KYAT1: variants seen among roughly 807,000 people sequenced by gnomAD.
The protein encoded by KYAT1 is kynurenine aminotransferase 1.
Under a neutral mutation model 52.4 loss-of-function variants are expected in KYAT1, and 47 were observed. That is an observed-to-expected ratio of 0.90 (90% CI 0.71 to 1.14). KYAT1 has a LOEUF of 1.14. Ranked by LOEUF, KYAT1 falls within the 50% of genes most tolerant of loss-of-function variation. The pLI is 0.00. For missense variants in KYAT1, 480 were observed against 557.9 expected, an observed-to-expected ratio of 0.86 and a Z score of 1.41; for synonymous variants, 212 against 209.6, an observed-to-expected ratio of 1.01 and a Z score of -0.10.
chr9:128,856,924 C>G (rs536415130), intron 1 of KYAT1, among the ~76,000 whole-genome samples: 2 of 152,190 alleles, frequency 1.3e-5, no homozygotes, highest in African/African-American at 4.8e-5. Flanking sequence ...AGGAAAGCCT[C>G]TTGAAGTTGA....
chr9:128,880,167 C>T (rs1588174541), intron 1 of KYAT1, among the ~76,000 whole-genome samples: 1 of 152,300 alleles, frequency 6.6e-6, no homozygotes, highest in East Asian at 1.9e-4. Context: ...GACATGGAGG[C>T]CCACGGAGTA....
rs143723417 is a variant in KYAT1 at position 128,867,400 on chromosome 9, T to A, written c.-7+14497A>T. ...GACTACATTGCCCAGGCTGGTCTTG[T>A]ACTGCTGGGCTCAAGCAGTTCTCCT... On this transcript the variant is annotated intron_variant, in intron 1 of 12. Transcript: ENST00000302586. Among the ~76,000 whole-genome samples the A allele has an allele frequency of 7.9e-4, 120 of 152,174 alleles. 1 individual carries two copies. In the East Asian group the frequency reaches 0.021, roughly 27 times the overall value.
intron 1 of KYAT1, among the ~76,000 whole-genome samples, chr9:128,860,687 T>TA (rs984013293): frequency 4.0e-5 from 6 of 151,742 alleles, no homozygotes; most frequent in African/African-American, 1.5e-4. Flanking sequence ...TGCCTCAGCC[T>TA]AAGTAACTGG....
intron 1 of KYAT1, among the ~76,000 whole-genome samples, chr9:128,880,821 A>G (rs1838745857): frequency 6.6e-6 from 1 of 152,138 alleles, no homozygotes; most frequent in African/African-American, 2.4e-5. Flanking sequence ...AAGACCTCCC[A>G]ACAGAAGTGA....
At chr9:128,834,591 A>C (rs1226212281) in intron 11 of KYAT1, among the ~76,000 whole-genome samples, 1 of 151,930 alleles carries the variant, frequency 6.6e-6, no homozygotes, top group Non-Finnish European at 1.5e-5. Context: ...TGGGAGGCCA[A>C]GGGGAGTGGA....
chr9:128,871,390 AT>A (rs907695903), intron 1 of KYAT1, among the ~76,000 whole-genome samples: 13 of 151,942 alleles, frequency 8.6e-5, no homozygotes, highest in Non-Finnish European at 1.3e-4. Context: ...CTCTATTTGC[AT>A]TTTTTTTAAT....
intron 3 of KYAT1, 40 bp from the exon 4 acceptor site, chr9:128,838,407 G>A: frequency 1.2e-6 from 2 of 1,612,884 alleles, no homozygotes; most frequent in South Asian, 1.1e-5. Flanking sequence ...GCTCAGCCTG[G>A]GCCCATCCTC....
intron 3 of KYAT1, chr9:128,842,105 C>T (rs1463363883): frequency 5.6e-6 from 2 of 356,830 alleles, no homozygotes; most frequent in Admixed American, 2.8e-5. Flanking sequence ...GGTGGGAGGA[C>T]CACTTGAGAC....
Position 128,837,695 on chromosome 9 carries a change from G to T in KYAT1, c.557C>A (p.Pro186His). ...KALVLNTPNN[P>H]LGKVFSREEL... ...AGGTCCCTCCAGTACCTTGCCCAGG[G>T]GGTTGTTGGGGGTGTTGAGGACCAG... is the stretch of plus-strand genomic sequence containing the variant. Residue 186 changes from proline (P) to histidine (H), a missense_variant, in exon 6 of 13, where the codon CCC (proline) becomes CAC (histidine). Pro to His is a moderately conservative substitution (Grantham distance 77, BLOSUM62 -2). Transcript: ENST00000302586. 1.2e-6 allele frequency: 2 copies of T among 1,614,136 alleles called. No homozygotes were observed. The highest frequency in any genetic ancestry group is 1.7e-6 in the Non-Finnish European group (2 of 1,180,020).
intron 1 of KYAT1, among the ~76,000 whole-genome samples, chr9:128,870,277 C>T (rs1383490721): frequency 1.3e-5 from 2 of 152,008 alleles, no homozygotes; most frequent in African/African-American, 4.8e-5. Flanking sequence ...ATATCTGTAC[C>T]ATGGAATATT....
intron 1 of KYAT1, among the ~76,000 whole-genome samples, chr9:128,868,945 C>T (rs1836825211): frequency 6.6e-6 from 1 of 152,012 alleles, no homozygotes. Flanking sequence ...ACCTCATGAT[C>T]TGCCCACCTT....
intron 1 of KYAT1, among the ~76,000 whole-genome samples, chr9:128,878,289 C>T (rs992775835): frequency 1.3e-5 from 2 of 152,120 alleles, no homozygotes; most frequent in Admixed American, 6.6e-5. Context: ...CACGTGCCAC[C>T]ACACCCAGCT....
intron 1 of KYAT1, among the ~76,000 whole-genome samples, chr9:128,854,738 A>G (rs563581912): frequency 1.1e-3 from 165 of 152,186 alleles, no homozygotes; most frequent in Non-Finnish European, 2.1e-3. Flanking sequence ...TCAGGCAGTC[A>G]CTTGGATGGA....
At chr9:128,838,485 G>T in intron 3 of KYAT1, 118 bp from the exon 4 acceptor site, 1 of 1,135,394 alleles carries the variant, frequency 8.8e-7, no homozygotes, top group Non-Finnish European at 1.3e-6. Flanking sequence ...GTCAGGTACT[G>T]GTAGCCTGGG....
In KYAT1 at chr9:128,833,737, T is replaced by A. The variant is rs760475535; in HGVS notation, c.1209+3A>T. On this transcript the variant is annotated splice_donor_region_variant and intron_variant, in intron 12 of 12. Transcript: ENST00000302586. ...TCTTTCCTCCCCCAGCCCTGCCCTT[T>A]ACCTTCACAAAACAGAAGCGGATAT... is the stretch of plus-strand genomic sequence containing the variant. 3 of 1,614,142 alleles carry A rather than the reference T, an allele frequency of 1.9e-6. No individual in the cohort carries two copies. The highest frequency in any genetic ancestry group is 2.5e-6 in the Non-Finnish European group (3 of 1,179,972).
intron 1 of KYAT1, among the ~76,000 whole-genome samples, chr9:128,858,474 G>C (rs1247254183): frequency 1.4e-5 from 2 of 147,110 alleles, no homozygotes; most frequent in Non-Finnish European, 3.0e-5. Context: ...AAGGCGGGCA[G>C]ATCACCTAAG....
rs1156602850 is a variant in KYAT1 at position 128,838,336 on chromosome 9, C to T, written c.233G>A (p.Ser78Asn). Residue 78 changes from serine (S) to asparagine (N), a missense_variant, in exon 4 of 13, where the codon AGT becomes AAT. Ser to Asn is a conservative substitution (Grantham distance 46). Transcript: ENST00000302586. Reference sequence around the variant, plus strand: ...CTGACCCAGCAGCTCCCCAAAGAAACTTGCCAGGATCTTCGTCAGTGGTGG... The same window carrying T: ...CTGACCCAGCAGCTCCCCAAAGAAATTTGCCAGGATCTTCGTCAGTGGTGG... ...GYPPLTKILA[S>N]FFGELLGQEI... 8.1e-6 allele frequency: 13 copies of T among 1,614,090 alleles called. No individual in the cohort carries two copies. The highest frequency in any genetic ancestry group is 1.3e-5 in the African/African-American group (1 of 74,930).
chr9:128,837,449 G>A (rs184188661), intron 6 of KYAT1, among the ~76,000 whole-genome samples: 5 of 152,290 alleles, frequency 3.3e-5, no homozygotes, highest in Non-Finnish European at 7.4e-5. Context: ...ACTATTCCAG[G>A]GTCACTGGGA....
chr9:128,841,389 A>G (rs975109044), intron 3 of KYAT1, among the ~76,000 whole-genome samples: 4 of 151,950 alleles, frequency 2.6e-5, no homozygotes, highest in Non-Finnish European at 5.9e-5. Context: ...TGTAATCCCA[A>G]CTACTCAAGA....
Sources: allele counts gnomAD v4.1 joint callset (sites outside exome capture counted in the v4.1 genomes callset), GRCh38; gene constraint gnomAD v4.1.1; transcripts MANE v1.5; gene names NCBI Gene and HGNC (gene_info 2026-07-23, HGNC 2026-07-21).